COL25A1: variants seen among roughly 807,000 people sequenced by gnomAD.
The protein encoded by COL25A1 is collagen type XXV alpha 1 chain.
Under a neutral mutation model 128.4 loss-of-function variants are expected in COL25A1, and 103 were observed. The observed-to-expected ratio is 0.80, with a 90% confidence interval of 0.68 to 0.94. COL25A1 has a LOEUF of 0.94. Ranked by LOEUF, COL25A1 falls within the 40% of genes least tolerant of loss-of-function variation. The probability of loss-of-function intolerance (pLI) is 0.00; values close to 1 mark genes in which losing one functional copy is unlikely to be tolerated. For missense variants in COL25A1, 745 were observed against 840.0 expected, an observed-to-expected ratio of 0.89 and a Z score of 1.40; for synonymous variants, 279 against 277.2, an observed-to-expected ratio of 1.01 and a Z score of -0.06.
chr4:108,914,697 C>T (rs904631738), intron 13 of COL25A1, among the ~76,000 whole-genome samples: 5 of 123,280 alleles, frequency 4.1e-5, no homozygotes, highest in Admixed American at 2.2e-4. Flanking sequence ...CACTATGTTG[C>T]CCACGCTGGA....
chr4:109,044,096 T>C (rs1760189219), intron 5 of COL25A1, among the ~76,000 whole-genome samples: 2 of 147,900 alleles, frequency 1.4e-5, no homozygotes, highest in African/African-American at 5.3e-5. Flanking sequence ...ATAGTGTGTG[T>C]GTGTGTGTGT....
chr4:108,876,260 AG>A (rs1236260847), intron 19 of COL25A1, among the ~76,000 whole-genome samples: 1 of 151,942 alleles, frequency 6.6e-6, no homozygotes, highest in African/African-American at 2.4e-5. Flanking sequence ...AGTAAAAAGA[AG>A]GAAGAAAAGG....
intron 19 of COL25A1, 29 bp from the exon 20 acceptor site, chr4:108,869,179 T>A: frequency 9.2e-7 from 1 of 1,087,300 alleles, no homozygotes; most frequent in Non-Finnish European, 1.3e-6. Flanking sequence ...ATGAGATCAT[T>A]AATCATTTGA....
At chr4:109,175,213 G>A (rs932697282) in intron 3 of COL25A1, among the ~76,000 whole-genome samples, 2 of 152,140 alleles carry the variant, frequency 1.3e-5, no homozygotes, top group Non-Finnish European at 2.9e-5. Flanking sequence ...GGTTCTAGGG[G>A]CTTCTACTCA....
intron 3 of COL25A1, among the ~76,000 whole-genome samples, chr4:109,101,695 AT>A (rs1425436227): frequency 6.6e-6 from 1 of 152,068 alleles, no homozygotes; most frequent in Non-Finnish European, 1.5e-5. Flanking sequence ...AATTTATTCC[AT>A]ATGTTTATTA....
At chr4:109,263,025 A>G (rs2126256923) in intron 3 of COL25A1, among the ~76,000 whole-genome samples, 1 of 152,198 alleles carries the variant, frequency 6.6e-6, no homozygotes, top group South Asian at 2.1e-4. Flanking sequence ...ACTACTCAGG[A>G]GGCTGAGGCA....
At chr4:109,153,454 C>T (rs1771718438) in intron 3 of COL25A1, among the ~76,000 whole-genome samples, 1 of 151,138 alleles carries the variant, frequency 6.6e-6, no homozygotes, top group Non-Finnish European at 1.5e-5. Flanking sequence ...AGAAGAGTAA[C>T]AGCACTTGCA....
At chr4:108,902,671 G>A (rs1742980972) in intron 13 of COL25A1, among the ~76,000 whole-genome samples, 1 of 151,882 alleles carries the variant, frequency 6.6e-6, no homozygotes, top group Non-Finnish European at 1.5e-5. Context: ...CTATTATAGT[G>A]GATTATTAAA....
intron 3 of COL25A1, among the ~76,000 whole-genome samples, chr4:109,242,063 G>A (rs1478077394): frequency 6.6e-6 from 1 of 151,314 alleles, no homozygotes; most frequent in African/African-American, 2.5e-5. Context: ...ATTAATGGTT[G>A]ATGGGCTTCA....
Position 109,210,575 on chromosome 4 carries a change from G to C in COL25A1, c.367+90008C>G, listed in dbSNP as rs72890723. ...CACCGTTTTTAACATTTACACAGTG[G>C]GTGAAGTTCTTCCCCTTCCATGGCT... On this transcript the variant is annotated intron_variant, in intron 3 of 37. Coordinates refer to ENST00000399132, the MANE Select transcript of COL25A1 (RefSeq NM_198721.4). Among the ~76,000 whole-genome samples, 570 of 152,204 alleles carry C rather than the reference G, an allele frequency of 3.7e-3. 5 individuals carry two copies. Among genetic ancestry groups the C allele is most frequent in the African/African-American group, 0.013 (549 of 41,550 alleles).
chr4:109,280,852 G>A (rs1465484142), intron 3 of COL25A1, among the ~76,000 whole-genome samples: 1 of 151,788 alleles, frequency 6.6e-6, no homozygotes, highest in Admixed American at 6.6e-5. Flanking sequence ...TCACCATGTT[G>A]GCCAGGCTGG....
chr4:108,866,516 G>A (rs990797095), intron 20 of COL25A1, among the ~76,000 whole-genome samples: 2 of 152,154 alleles, frequency 1.3e-5, no homozygotes, highest in Non-Finnish European at 2.9e-5. Context: ...TCCTTAGCCT[G>A]ATAGAGGTCC....
chr4:108,976,174 A>AT (rs992190193), intron 6 of COL25A1, among the ~76,000 whole-genome samples: 15 of 152,170 alleles, frequency 9.9e-5, no homozygotes, highest in African/African-American at 3.6e-4. Flanking sequence ...TTTAGAAGCT[A>AT]TTTTTTTAGC....
At chr4:108,946,481 C>T (rs1158210468) in intron 8 of COL25A1, among the ~76,000 whole-genome samples, 1 of 152,206 alleles carries the variant, frequency 6.6e-6, no homozygotes, top group Non-Finnish European at 1.5e-5. Flanking sequence ...CTTCTACCTG[C>T]TTTACAGTTT....
intron 3 of COL25A1, among the ~76,000 whole-genome samples, chr4:109,129,320 G>A (rs1768941318): frequency 2.0e-5 from 3 of 151,756 alleles, no homozygotes; most frequent in Admixed American, 2.0e-4. Context: ...GTAGAGACGG[G>A]GTTTCTCCAT....
At chr4:109,124,722 G>C (rs1383809747) in intron 3 of COL25A1, among the ~76,000 whole-genome samples, 1 of 151,816 alleles carries the variant, frequency 6.6e-6, no homozygotes, top group African/African-American at 2.4e-5. Flanking sequence ...TTCCTAGAAA[G>C]ATTTCTACCC....
At chr4:109,060,474 G>T (rs1231517216) in intron 3 of COL25A1, among the ~76,000 whole-genome samples, 2 of 152,142 alleles carry the variant, frequency 1.3e-5, no homozygotes, top group Admixed American at 6.5e-5. Flanking sequence ...GACCCTGGCA[G>T]ATGAGGTAAA....
chr4:109,137,612 C>T (rs978222091), intron 3 of COL25A1, among the ~76,000 whole-genome samples: 1 of 152,116 alleles, frequency 6.6e-6, no homozygotes, highest in African/African-American at 2.4e-5. Flanking sequence ...CTCATAAAAG[C>T]AGAAGCTAAG....
intron 8 of COL25A1, among the ~76,000 whole-genome samples, chr4:108,945,934 G>C (rs150260570): frequency 0.044 from 6,680 of 152,104 alleles, 373 homozygotes; most frequent in African/African-American, 0.13. Flanking sequence ...CAAAGTGCTG[G>C]GATTATAGGT....
Sources: allele counts gnomAD v4.1 joint callset (sites outside exome capture counted in the v4.1 genomes callset), GRCh38; gene constraint gnomAD v4.1.1; transcripts MANE v1.5; gene names NCBI Gene and HGNC (gene_info 2026-07-23, HGNC 2026-07-21).